Variants in SLC36A2 observed in about 807,000 individuals in gnomAD.
SLC36A2 encodes solute carrier family 36 member 2.
A neutral mutation model predicts 42.7 loss-of-function variants in SLC36A2; 39 were observed. That is an observed-to-expected ratio of 0.91 (90% CI 0.71 to 1.19). The LOEUF (loss-of-function observed/expected upper bound fraction) is 1.19. Among genes scored for constraint, SLC36A2 ranks in the 50% most tolerant of loss-of-function variants. SLC36A2 has a pLI of 0.00. For missense variants in SLC36A2, 590 were observed against 613.7 expected (o/e 0.96, Z 0.41); for synonymous variants, 237 against 240.8 (o/e 0.98, Z 0.15).
chr5:151,336,288 C>T (rs935119777), intron 5 of SLC36A2, among the ~76,000 whole-genome samples: 2 of 152,094 alleles, frequency 1.3e-5, no homozygotes, highest in East Asian at 1.9e-4. Flanking sequence ...GACCTAAGGA[C>T]GGACTAGAAA....
rs757471205 is a variant in SLC36A2, at chr5:151,342,920, G to T, written c.408C>A (p.Asn136Lys). Residue 136 changes from asparagine (N) to lysine (K), a missense_variant, in exon 4 of 10, where the codon AAC becomes AAA. Asn to Lys is a moderately conservative substitution (Grantham distance 94, BLOSUM62 0). Coordinates refer to ENST00000335244, the MANE Select transcript of SLC36A2 (RefSeq NM_181776.3). ...AGTGAGCGTGATTCTGGAGCCAGGC[G>T]TTGGGGTTGGCTTCTAGTCCATGCA... Reference protein sequence around the residue: ...TVMHGLEANPNAWLQNHAHWG... With the variant: ...TVMHGLEANPKAWLQNHAHWG... The T allele has an allele frequency of 4.3e-6, 7 of 1,614,156 alleles. No homozygotes were observed. Among genetic ancestry groups the T allele is most frequent in the Non-Finnish European group, 5.9e-6 (7 of 1,179,998 alleles).
At chr5:151,317,935 C>T (rs1453421575) in intron 9 of SLC36A2, among the ~76,000 whole-genome samples, 1 of 152,092 alleles carries the variant, frequency 6.6e-6, no homozygotes, top group African/African-American at 2.4e-5. Context: ...AAAGATACCC[C>T]CTTAATAAGG....
intron 7 of SLC36A2, 56 bp from the exon 8 acceptor site, chr5:151,325,508 A>G: frequency 6.3e-7 from 1 of 1,575,938 alleles, no homozygotes; most frequent in African/African-American, 1.3e-5. Context: ...AAAAAGAAAA[A>G]TGGCATTCCA....
chr5:151,326,812 C>CTT lies in SLC36A2; in HGVS notation c.844-1362_844-1361dup, dbSNP rs5872202. On this transcript the variant is annotated intron_variant, in intron 7 of 9. Transcript: ENST00000335244. ...TGAAAACGGGCTCAAATGAATTTACCTTTTTTTTTTTTTCTTTTTTGGAGA... is the reference window on the plus strand; with the variant it reads ...TGAAAACGGGCTCAAATGAATTTACCTTTTTTTTTTTTTTTCTTTTTTGGAGA... Among the ~76,000 whole-genome samples, 67 of 142,300 alleles carry CTT rather than the reference C, an allele frequency of 4.7e-4. 1 individual carries two copies. Among genetic ancestry groups the CTT allele is most frequent in the African/African-American group, 1.5e-3 (56 of 37,952 alleles). The allele number at this position is 142,300 out of a possible 152,430, so 93.4% of individuals were successfully genotyped here.
At chr5:151,337,452 T>C (rs978113732) in intron 5 of SLC36A2, among the ~76,000 whole-genome samples, 2 of 152,186 alleles carry the variant, frequency 1.3e-5, no homozygotes, top group Non-Finnish European at 2.9e-5. Context: ...TTTAACTTAT[T>C]AGGTTTTAGA....
chr5:151,324,419 G>T (rs1755794162), intron 8 of SLC36A2, among the ~76,000 whole-genome samples: 1 of 151,712 alleles, frequency 6.6e-6, no homozygotes. Flanking sequence ...TGAAACCTCT[G>T]CCTCCCAGGT....
intron 4 of SLC36A2, among the ~76,000 whole-genome samples, chr5:151,341,045 ATG>A (rs1756330174): frequency 1.3e-5 from 2 of 152,314 alleles, no homozygotes; most frequent in South Asian, 4.1e-4. Context: ...CATATGCAGA[ATG>A]TGCACTTTTG....
At chr5:151,345,582 CT>C (rs995973857) in intron 1 of SLC36A2, among the ~76,000 whole-genome samples, 5 of 152,148 alleles carry the variant, frequency 3.3e-5, no homozygotes, top group African/African-American at 1.2e-4. Flanking sequence ...CCCTGCATGC[CT>C]TTCTCCCTGT....
At chr5:151,329,855 A>C (rs147040510) in intron 7 of SLC36A2, among the ~76,000 whole-genome samples, 1 of 152,270 alleles carries the variant, frequency 6.6e-6, no homozygotes, top group East Asian at 1.9e-4. Context: ...GCAGGCCCTC[A>C]AATAGGTGGA....
At chr5:151,347,155 C>T (rs1756518244) in intron 1 of SLC36A2, 142 bp downstream of exon 1, 3 of 973,900 alleles carry the variant, frequency 3.1e-6, no homozygotes, top group African/African-American at 3.2e-5. Context: ...CAGCTTGACT[C>T]AGCCCATGAC....
At chr5:151,341,245 C>T (rs2127298012) in intron 4 of SLC36A2, among the ~76,000 whole-genome samples, 1 of 152,304 alleles carries the variant, frequency 6.6e-6, no homozygotes, top group African/African-American at 2.4e-5. Flanking sequence ...ATTTGACAGT[C>T]TGTGACAGGC....
intron 7 of SLC36A2, chr5:151,332,558 G>T (rs937544273): frequency 1.6e-4 from 63 of 395,064 alleles, no homozygotes; most frequent in Non-Finnish European, 5.5e-5. Flanking sequence ...ATTGATGTGT[G>T]CAACAGCATG....
chr5:151,347,048 G>C (rs1291475309), intron 1 of SLC36A2, among the ~76,000 whole-genome samples: 1 of 152,204 alleles, frequency 6.6e-6, no homozygotes, highest in African/African-American at 2.4e-5. Flanking sequence ...TCAGTATGTG[G>C]TCCAGGGTAA....
intron 5 of SLC36A2, chr5:151,338,808 C>G (rs1756234341): frequency 2.7e-6 from 1 of 367,456 alleles, no homozygotes; most frequent in African/African-American, 2.1e-5. Context: ...ATCCAAGGGT[C>G]TTTCCATTCC....
intron 7 of SLC36A2, among the ~76,000 whole-genome samples, chr5:151,332,961 C>G (rs1561656671): frequency 6.6e-6 from 1 of 152,194 alleles, no homozygotes; most frequent in East Asian, 1.9e-4. Flanking sequence ...TTAGGAAACT[C>G]ATGTCGATAG....
At chr5:151,343,365 T>A in intron 3 of SLC36A2, 145 bp downstream of exon 3, 1 of 835,828 alleles carries the variant, frequency 1.2e-6, no homozygotes, top group Admixed American at 1.9e-5. Context: ...TCACCTGAGC[T>A]CCCTGCCCCT....
intron 8 of SLC36A2, among the ~76,000 whole-genome samples, chr5:151,324,413 A>G (rs1755794034): frequency 6.6e-6 from 1 of 151,658 alleles, no homozygotes; most frequent in African/African-American, 2.4e-5. Flanking sequence ...GCTCACTGAA[A>G]CCTCTGCCTC....
At chr5:151,345,349 C>T (rs1025545585) in intron 1 of SLC36A2, among the ~76,000 whole-genome samples, 1 of 152,212 alleles carries the variant, frequency 6.6e-6, no homozygotes, top group Non-Finnish European at 1.5e-5. Context: ...AAGGCCACGA[C>T]TTAACTAGCT....
intron 4 of SLC36A2, among the ~76,000 whole-genome samples, chr5:151,342,389 C>T (rs416525): frequency 0.3 from 46,134 of 152,042 alleles, 8,778 homozygotes; most frequent in Admixed American, 0.5. Flanking sequence ...CTTCAGGACT[C>T]CTTCCTGCAG....
Sources: gnomAD v4.1 joint callset for allele counts (sites outside exome capture counted in the v4.1 genomes callset) on GRCh38, gnomAD v4.1.1 for gene constraint, MANE v1.5 for transcripts, NCBI Gene and HGNC (gene_info 2026-07-23, HGNC 2026-07-21) for gene names.